Variants in MATN2 observed in about 807,000 individuals in gnomAD.
MATN2 encodes matrilin 2, also known as matrilin-2.
In MATN2, 69 loss-of-function variants were observed where a neutral mutation model predicts 103.2. The ratio of observed to expected loss-of-function variants is 0.67; its 90% CI spans 0.55 to 0.82. The LOEUF (loss-of-function observed/expected upper bound fraction) is 0.82, where lower values mean the gene tolerates loss of function less well. Ranked by LOEUF, MATN2 falls within the 40% of genes least tolerant of loss-of-function variation. The pLI is 0.00. For missense variants in MATN2, 1,023 were observed against 1,211.5 expected (o/e 0.84, Z 2.31); for synonymous variants, 429 against 450.2 (o/e 0.95, Z 0.60).
chr8:97,984,078 C>A (rs917558102), intron 6 of MATN2, among the ~76,000 whole-genome samples: 2 of 152,204 alleles, frequency 1.3e-5, no homozygotes, highest in African/African-American at 2.4e-5. Context: ...TTTTGTGACT[C>A]CCTATGTGGA....
intron 7 of MATN2, among the ~76,000 whole-genome samples, chr8:97,994,887 T>C (rs762500036): frequency 1.6e-4 from 24 of 152,142 alleles, no homozygotes; most frequent in Non-Finnish European, 1.5e-4. Context: ...CTTATTCCCA[T>C]AGCATTGGGG....
At chr8:97,937,027 C>T (rs1810390727) in intron 3 of MATN2, among the ~76,000 whole-genome samples, 1 of 152,114 alleles carries the variant, frequency 6.6e-6, no homozygotes, top group Non-Finnish European at 1.5e-5. Context: ...ACTGCATCTC[C>T]CCTCCACTCC....
At chr8:97,885,250 G>A (rs1270551374) in intron 1 of MATN2, among the ~76,000 whole-genome samples, 2 of 152,156 alleles carry the variant, frequency 1.3e-5, no homozygotes, top group Non-Finnish European at 2.9e-5. Context: ...TTATCTGCTC[G>A]GTTTGGAGAA....
At chr8:97,907,878 C>CT (rs1819233201) in intron 2 of MATN2, among the ~76,000 whole-genome samples, 1 of 152,132 alleles carries the variant, frequency 6.6e-6, no homozygotes. Context: ...ACTTTGACGC[C>CT]TATAATCCCA....
At chr8:97,894,323 CTTTTTTTT>C (rs58988866) in intron 2 of MATN2, among the ~76,000 whole-genome samples, 3 of 59,234 alleles carry the variant, frequency 5.1e-5, no homozygotes, top group Non-Finnish European at 9.4e-5. Flanking sequence ...AAGAATTCAC[CTTTTTTTT>C]TTTTTTTTTT....
rs1003989357 is a variant in MATN2, at chr8:98,021,044, C to G, written c.1820-161C>G. 5.0e-6 allele frequency: 3 copies of G among 596,688 alleles called. No individual in the cohort carries two copies. The Admixed American group carries it at 1.0e-4, about 20-fold the overall frequency. 37.0% of individuals were successfully genotyped at this position (596,688 alleles called of 1,614,324 possible). ...GAGCTTTCTGAGAGGAGCTTTTTCC[C>G]CATCCTGAGTATGAGACTGCAAAAG... On this transcript the variant is annotated intron_variant, in intron 12 of 18. Transcript: ENST00000254898.
At chr8:97,924,448 G>A (rs1331076079) in intron 2 of MATN2, among the ~76,000 whole-genome samples, 5 of 152,120 alleles carry the variant, frequency 3.3e-5, no homozygotes, top group Non-Finnish European at 4.4e-5. Flanking sequence ...GCTGGGAATT[G>A]ATATGGAACA....
At chr8:98,034,022 T>C (rs547423380) in intron 18 of MATN2, among the ~76,000 whole-genome samples, 1 of 152,214 alleles carries the variant, frequency 6.6e-6, no homozygotes, top group South Asian at 2.1e-4. Context: ...GTACGGTAAG[T>C]ATAGACAAAG....
In MATN2 at chr8:98,036,670, G is replaced by C. The variant is rs1039486490; in HGVS notation, c.*958G>C. 6.6e-6 allele frequency: 1 copy of C among 152,134 alleles called. No individual in the cohort carries two copies. Among genetic ancestry groups the C allele is most frequent in the Non-Finnish European group, 1.5e-5 (1 of 68,032 alleles). The allele number at this position is 152,134 out of a possible 1,614,324, so 9.4% of individuals were successfully genotyped here. ...ATCCATACCACAGAAATACAACACC[G>C]CATGTACAGGAATGTGCTACATCTA... On this transcript the variant is annotated 3_prime_UTR_variant, in exon 19 of 19. Coordinates refer to ENST00000254898, the MANE Select transcript of MATN2 (RefSeq NM_002380.5).
chr8:98,002,885 A>G (rs1812832372), intron 7 of MATN2, among the ~76,000 whole-genome samples: 1 of 151,860 alleles, frequency 6.6e-6, no homozygotes, highest in Non-Finnish European at 1.5e-5. Flanking sequence ...CTCCACCAAC[A>G]TTCTCACCTC....
chr8:97,881,913 CTTTTTT>C (rs34704905), intron 1 of MATN2, among the ~76,000 whole-genome samples: 5 of 84,090 alleles, frequency 5.9e-5, no homozygotes, highest in African/African-American at 9.1e-5. Context: ...TATTACTTAT[CTTTTTT>C]TTTTTTTTTT....
chr8:97,892,181 G>T (rs1015441227), intron 2 of MATN2, among the ~76,000 whole-genome samples: 6 of 148,428 alleles, frequency 4.0e-5, no homozygotes, highest in Non-Finnish European at 9.0e-5. Context: ...AGGTTGCAGT[G>T]AGCCGAGATC....
chr8:97,873,385 G>A (rs2129920238), intron 1 of MATN2, among the ~76,000 whole-genome samples: 1 of 141,792 alleles, frequency 7.1e-6, no homozygotes, highest in Admixed American at 7.3e-5. Context: ...GTTTCTCTGT[G>A]TTGCCCAGGC....
chr8:97,945,770 G>T (rs2130198810), intron 4 of MATN2, among the ~76,000 whole-genome samples: 1 of 149,778 alleles, frequency 6.7e-6, no homozygotes, highest in East Asian at 2.0e-4. Context: ...TAATTTGTGT[G>T]GAGAGGGAAA....
intron 2 of MATN2, among the ~76,000 whole-genome samples, chr8:97,919,408 T>G (rs1809737382): frequency 6.6e-6 from 1 of 152,100 alleles, no homozygotes; most frequent in African/African-American, 2.4e-5. Flanking sequence ...ATTTTTGTGT[T>G]TTTAGTAGAG....
At chr8:98,017,192 G>C (rs1194198282) in intron 11 of MATN2, among the ~76,000 whole-genome samples, 1 of 152,206 alleles carries the variant, frequency 6.6e-6, no homozygotes, top group African/African-American at 2.4e-5. Context: ...CCATTTATTA[G>C]CTGGGAAAGT....
intron 2 of MATN2, among the ~76,000 whole-genome samples, chr8:97,903,090 A>G (rs976350347): frequency 3.9e-5 from 6 of 152,170 alleles, no homozygotes; most frequent in African/African-American, 1.4e-4. Context: ...TGCTGGGAGA[A>G]AGGAAAGCCT....
chr8:97,886,484 A>C (rs1818432015), intron 1 of MATN2, among the ~76,000 whole-genome samples: 1 of 152,222 alleles, frequency 6.6e-6, no homozygotes, highest in Admixed American at 6.5e-5. Flanking sequence ...GATACTCTAT[A>C]AATTAAATCA....
chr8:97,894,452 C>G (rs1186621625), intron 2 of MATN2, among the ~76,000 whole-genome samples: 1 of 148,556 alleles, frequency 6.7e-6, no homozygotes, highest in African/African-American at 2.5e-5. Flanking sequence ...TCCCAACTAA[C>G]TGGGACTACA....
Sources: gnomAD v4.1 joint callset for allele counts (sites outside exome capture counted in the v4.1 genomes callset) on GRCh38, gnomAD v4.1.1 for gene constraint, MANE v1.5 for transcripts, NCBI Gene and HGNC (gene_info 2026-07-23, HGNC 2026-07-21) for gene names.